MAD1L1: variants seen among roughly 807,000 people sequenced by gnomAD.
The protein encoded by MAD1L1 is mitotic spindle assembly checkpoint protein MAD1.
A neutral mutation model predicts 96.9 loss-of-function variants in MAD1L1; 95 were observed. The observed-to-expected ratio is 0.98, with a 90% CI of 0.83 to 1.16. MAD1L1 has a LOEUF of 1.16. Ranked by LOEUF, MAD1L1 falls within the 50% of genes most tolerant of loss-of-function variation. The pLI, the probability that MAD1L1 is intolerant of heterozygous loss-of-function variation, is 0.00. For synonymous variants in MAD1L1, 473 were observed against 396.6 expected, an observed-to-expected ratio of 1.19 and a Z score of -2.29; for missense variants, 1,007 against 954.4, an observed-to-expected ratio of 1.06 and a Z score of -0.73.
At chr7:1,954,686 C>G (rs1368848995) in intron 16 of MAD1L1, among the ~76,000 whole-genome samples, 1 of 152,236 alleles carries the variant, frequency 6.6e-6, no homozygotes, top group African/African-American at 2.4e-5. Flanking sequence ...ACGTTCAAGA[C>G]TCATTCTGCC....
intron 12 of MAD1L1, among the ~76,000 whole-genome samples, chr7:2,029,333 G>C (rs1783115857): frequency 6.6e-6 from 1 of 152,138 alleles, no homozygotes; most frequent in Admixed American, 6.5e-5. Flanking sequence ...CACGCTGCAT[G>C]GCTCCATTTC....
At chr7:2,122,877 G>A (rs906676793) in intron 11 of MAD1L1, among the ~76,000 whole-genome samples, 11 of 152,216 alleles carry the variant, frequency 7.2e-5, no homozygotes, top group African/African-American at 1.4e-4. Context: ...GGGTGGTGAC[G>A]GCCGCCGTCC....
intron 17 of MAD1L1, among the ~76,000 whole-genome samples, chr7:1,926,976 G>A (rs1432346376): frequency 6.6e-6 from 1 of 152,168 alleles, no homozygotes. Context: ...CAAAGGATTA[G>A]AAAACAAAAT....
At chr7:1,975,270 G>A (rs769269286) in intron 15 of MAD1L1, among the ~76,000 whole-genome samples, 6 of 152,176 alleles carry the variant, frequency 3.9e-5, no homozygotes, top group South Asian at 4.1e-4. Flanking sequence ...AGGCCCCCTC[G>A]GGGCCACGCC....
chr7:1,830,615 C>T (rs1321825472), intron 18 of MAD1L1, among the ~76,000 whole-genome samples: 1 of 152,162 alleles, frequency 6.6e-6, no homozygotes, highest in Non-Finnish European at 1.5e-5. Context: ...ATATTATAAG[C>T]AGATGACTAA....
chr7:2,023,430 T>C (rs1584110092), intron 12 of MAD1L1, among the ~76,000 whole-genome samples: 1 of 152,084 alleles, frequency 6.6e-6, no homozygotes, highest in African/African-American at 2.4e-5. Flanking sequence ...CACTTGTAAA[T>C]AACGCATGGG....
intron 18 of MAD1L1, among the ~76,000 whole-genome samples, chr7:1,856,615 A>T (rs1436952066): frequency 2.0e-5 from 3 of 152,200 alleles, no homozygotes; most frequent in Admixed American, 2.0e-4. Context: ...AGATTCATTA[A>T]TAAAGAAAAG....
At chr7:1,980,646 C>A (rs769499851) in intron 14 of MAD1L1, 105 bp from the exon 15 acceptor site, 1 of 878,538 alleles carries the variant, frequency 1.1e-6, no homozygotes, top group South Asian at 1.4e-5. Context: ...CACCCCCGCC[C>A]TGGGCTGGGA....
intron 18 of MAD1L1, among the ~76,000 whole-genome samples, chr7:1,893,787 G>A (rs573631097): frequency 1.3e-5 from 2 of 152,316 alleles, no homozygotes; most frequent in South Asian, 4.1e-4. Flanking sequence ...CCTGGCCAAG[G>A]CTGCACACCA....
At chr7:1,838,926 G>A (rs998960848) in intron 18 of MAD1L1, 2 of 452,070 alleles carry the variant, frequency 4.4e-6, no homozygotes, top group African/African-American at 4.0e-5. Context: ...TGGGGACAAG[G>A]ACAGAGTGTG....
chr7:2,197,606 G>C (rs902549264), intron 10 of MAD1L1, among the ~76,000 whole-genome samples: 1 of 152,168 alleles, frequency 6.6e-6, no homozygotes, highest in Non-Finnish European at 1.5e-5. Flanking sequence ...AGAGCTCTCT[G>C]ACCCGGTGAG....
At chr7:2,139,175 G>A (rs1788901192) in intron 11 of MAD1L1, among the ~76,000 whole-genome samples, 1 of 152,046 alleles carries the variant, frequency 6.6e-6, no homozygotes, top group South Asian at 2.1e-4. Flanking sequence ...CCAACCCCCA[G>A]GAAGCACCCC....
intron 11 of MAD1L1, among the ~76,000 whole-genome samples, chr7:2,100,468 C>T (rs1205648498): frequency 6.6e-6 from 1 of 152,226 alleles, no homozygotes; most frequent in African/African-American, 2.4e-5. Context: ...GTGGTACTGC[C>T]GCTTTGCTTC....
intron 11 of MAD1L1, among the ~76,000 whole-genome samples, chr7:2,128,946 G>A (rs1042693091): frequency 1.2e-4 from 18 of 152,216 alleles, no homozygotes; most frequent in Non-Finnish European, 2.9e-5. Flanking sequence ...AAGCCAGAGG[G>A]GGACACAGAC....
At chr7:1,921,669 C>T (rs1040013091) in intron 17 of MAD1L1, among the ~76,000 whole-genome samples, 4 of 151,802 alleles carry the variant, frequency 2.6e-5, no homozygotes, top group Non-Finnish European at 4.4e-5. Flanking sequence ...GGTAAGAAAA[C>T]CTTTAAGTCA....
At chr7:2,109,843 C>G (rs1282506588) in intron 11 of MAD1L1, among the ~76,000 whole-genome samples, 1 of 152,238 alleles carries the variant, frequency 6.6e-6, no homozygotes, top group Non-Finnish European at 1.5e-5. Context: ...TCATATCTTA[C>G]AGGATACGCT....
intron 10 of MAD1L1, among the ~76,000 whole-genome samples, chr7:2,171,775 G>C (rs904980357): frequency 6.6e-6 from 1 of 151,948 alleles, no homozygotes; most frequent in Non-Finnish European, 1.5e-5. Context: ...CAGCAGAGAA[G>C]CCCAGCAGTT....
Position 2,017,952 on chromosome 7 carries a change from C to T in MAD1L1, c.1219-3310G>A, listed in dbSNP as rs573240905. The stretch of plus-strand genomic sequence containing the variant: ...GGAAGGGCAGGGGAGATCAGAGCAG[C>T]GAGACCAGGAAGCCGAGACAGAGAC... On this transcript the variant is annotated intron_variant, in intron 12 of 18. Transcript: ENST00000265854. 1.2e-3 allele frequency among the ~76,000 whole-genome samples: 177 copies of T among 152,166 alleles called. 1 individual carries two copies. Among genetic ancestry groups the T allele is most frequent in the African/African-American group, 3.7e-3 (152 of 41,538 alleles).
At chr7:2,021,040 G>C (rs1782766532) in intron 12 of MAD1L1, among the ~76,000 whole-genome samples, 1 of 152,142 alleles carries the variant, frequency 6.6e-6, no homozygotes, top group Non-Finnish European at 1.5e-5. Flanking sequence ...ATGCACTGAG[G>C]AAAAAGCAAT....
Sources: allele counts gnomAD v4.1 joint callset (sites outside exome capture counted in the v4.1 genomes callset), GRCh38; gene constraint gnomAD v4.1.1; transcripts MANE v1.5; gene names NCBI Gene and HGNC (gene_info 2026-07-23, HGNC 2026-07-21).